KIF18A: variants seen among roughly 807,000 people sequenced by gnomAD.
The protein encoded by KIF18A is kinesin-like protein KIF18A.
Under a neutral mutation model 103.3 loss-of-function variants are expected in KIF18A, and 67 were observed. The ratio of observed to expected loss-of-function variants is 0.65; its 90% CI spans 0.53 to 0.79. KIF18A has a LOEUF of 0.79. Among genes scored for constraint, KIF18A ranks in the 30% least tolerant of loss-of-function variants. The pLI, the probability that KIF18A is intolerant of heterozygous loss-of-function variation, is 0.00. For synonymous variants in KIF18A, 367 were observed against 355.5 expected, an observed-to-expected ratio of 1.03 and a Z score of -0.36; for missense variants, 1,032 against 1,062.5, an observed-to-expected ratio of 0.97 and a Z score of 0.40.
chr11:28,024,871 G>C (rs11030190), intron 15 of KIF18A, among the ~76,000 whole-genome samples: 96 of 151,704 alleles, frequency 6.3e-4, no homozygotes, highest in Non-Finnish European at 1.3e-3. Context: ...CCTTATCGAC[G>C]GGGGGGATAT....
intron 15 of KIF18A, among the ~76,000 whole-genome samples, chr11:28,029,038 T>A (rs564551931): frequency 4.6e-4 from 70 of 152,230 alleles, no homozygotes; most frequent in Middle Eastern, 3.4e-3. Flanking sequence ...CAATAATTAA[T>A]AGCATACCAA....
At chr11:28,039,096 T>A (rs564308050) in intron 13 of KIF18A, among the ~76,000 whole-genome samples, 1 of 151,812 alleles carries the variant, frequency 6.6e-6, no homozygotes, top group East Asian at 1.9e-4. Flanking sequence ...GCAACTCACT[T>A]AAGCAGTGTG....
chr11:28,077,452 C>A (rs755249160), intron 9 of KIF18A, among the ~76,000 whole-genome samples: 1 of 152,108 alleles, frequency 6.6e-6, no homozygotes, highest in Non-Finnish European at 1.5e-5. Flanking sequence ...TAACATACTG[C>A]ATTTTGTCTA....
At chr11:28,101,441 T>C (rs1851445497) in intron 1 of KIF18A, among the ~76,000 whole-genome samples, 1 of 152,142 alleles carries the variant, frequency 6.6e-6, no homozygotes, top group African/African-American at 2.4e-5. Context: ...CCTAATTAAT[T>C]AGTTAATTAA....
intron 13 of KIF18A, among the ~76,000 whole-genome samples, chr11:28,058,662 C>CAAAAAAAAAAAAAAA (rs58273868): frequency 1.6e-5 from 1 of 64,450 alleles, no homozygotes; most frequent in African/African-American, 5.5e-5. Flanking sequence ...ACCCTGTCAC[C>CAAAAAAAAAAAAAAA]AAAAAAAAAA....
chr11:28,073,295 T>C (rs1851045683), intron 10 of KIF18A, among the ~76,000 whole-genome samples: 1 of 152,054 alleles, frequency 6.6e-6, no homozygotes, highest in African/African-American at 2.4e-5. Flanking sequence ...AAATGTGACC[T>C]GCTCTGGTCA....
intron 6 of KIF18A, among the ~76,000 whole-genome samples, chr11:28,085,411 C>T (rs1851214170): frequency 6.6e-6 from 1 of 152,196 alleles, no homozygotes; most frequent in Non-Finnish European, 1.5e-5. Flanking sequence ...TCCTTGTCCA[C>T]TTTCATGTTC....
chr11:28,061,004 C>T (rs909704298), intron 12 of KIF18A, among the ~76,000 whole-genome samples: 1 of 152,166 alleles, frequency 6.6e-6, no homozygotes, highest in African/African-American at 2.4e-5. Context: ...TACCTTTTCC[C>T]TTTGCCGAAT....
chr11:28,038,951 T>C (rs988084149), intron 13 of KIF18A, among the ~76,000 whole-genome samples: 1 of 151,650 alleles, frequency 6.6e-6, no homozygotes, highest in African/African-American at 2.4e-5. Context: ...AGCTGGCAGA[T>C]TAACTTCTTT....
At position 28,035,492 on chromosome 11, in the gene KIF18A, A is replaced by G; in HGVS notation, c.2399T>C (p.Leu800Pro). 6.4e-7 allele frequency: 1 copy of G among 1,561,084 alleles called. No homozygotes were observed. The highest frequency in any genetic ancestry group is 8.7e-7 in the Non-Finnish European group (1 of 1,146,048). Residue 800 changes from leucine (L) to proline (P), a missense_variant and splice_region_variant, in exon 15 of 17, where the codon CTT becomes CCT. Coordinates refer to ENST00000263181, the MANE Select transcript of KIF18A (RefSeq NM_031217.4). ...CTTAGTTGAGAATGAAGAAGGATCA[A>G]GCCTGTATATTAATAGTGACAAATA... is the stretch of plus-strand genomic sequence containing the variant. The part of the protein sequence containing the change: ...PNDNKDILQR[L>P]DPSSFSTKHS...
chr11:28,051,573 A>G (rs981664602), intron 13 of KIF18A, among the ~76,000 whole-genome samples: 1 of 152,016 alleles, frequency 6.6e-6, no homozygotes, highest in East Asian at 1.9e-4. Flanking sequence ...TTGAGGAAAG[A>G]TCCCGAAGGC....
intron 13 of KIF18A, among the ~76,000 whole-genome samples, chr11:28,039,948 G>T (rs1162572190): frequency 6.6e-6 from 1 of 151,730 alleles, no homozygotes; most frequent in African/African-American, 2.4e-5. Context: ...GAAGGCAGAT[G>T]GTCAATTCAG....
At chr11:28,083,371 A>G (rs879755642) in intron 7 of KIF18A, 128 bp from the exon 8 acceptor site, 1 of 1,029,574 alleles carries the variant, frequency 9.7e-7, no homozygotes, top group Non-Finnish European at 1.3e-6. Context: ...TTATGCTCAC[A>G]TTTAAAATCT....
chr11:28,056,807 A>G (rs1850786731), intron 13 of KIF18A: 1 of 166,770 alleles, frequency 6.0e-6, no homozygotes, highest in Non-Finnish European at 1.5e-5. Flanking sequence ...TTCACTCCCA[A>G]CTATTTGTCT....
Position 28,077,014 on chromosome 11 carries a change from A to T in KIF18A, c.1418T>A (p.Val473Glu), listed in dbSNP as rs774738315. 1 of 1,482,190 alleles carries T rather than the reference A, an allele frequency of 6.7e-7. No homozygotes were observed. Among genetic ancestry groups the T allele is most frequent in the East Asian group, 2.5e-5 (1 of 39,402 alleles). The allele number at this position is 1,482,190 out of a possible 1,614,324, so 91.8% of individuals were successfully genotyped here. Residue 473 changes from valine to glutamate, a missense_variant, in exon 10 of 17, where the codon GTA (valine) becomes GAA (glutamate). Physicochemically the swap from Val to Glu is moderately radical, Grantham distance 121 (BLOSUM62 -2). Coordinates refer to ENST00000263181, the MANE Select transcript of KIF18A (RefSeq NM_031217.4). ...QIEMMCSEDK[V>E]EKATGKRDHR... Reference sequence around the variant, plus strand: ...TATAAAATTGTTAATTACCTTTTCTACTTTGTCTTCAGAACACATCATTTC... The same window carrying T: ...TATAAAATTGTTAATTACCTTTTCTTCTTTGTCTTCAGAACACATCATTTC...
At chr11:28,080,699 C>T (rs1851155042) in intron 9 of KIF18A, among the ~76,000 whole-genome samples, 1 of 152,044 alleles carries the variant, frequency 6.6e-6, no homozygotes, top group Non-Finnish European at 1.5e-5. Flanking sequence ...AATTAATAAC[C>T]CTAAAATGGC....
At chr11:28,067,325 G>A (rs1294147471) in intron 11 of KIF18A, among the ~76,000 whole-genome samples, 1 of 152,214 alleles carries the variant, frequency 6.6e-6, no homozygotes, top group African/African-American at 2.4e-5. Flanking sequence ...AGATTAAATT[G>A]TTGGCTCAAT....
intron 3 of KIF18A, among the ~76,000 whole-genome samples, chr11:28,093,037 C>T (rs921947233): frequency 6.6e-6 from 1 of 152,140 alleles, no homozygotes; most frequent in African/African-American, 2.4e-5. Context: ...AAGTGTGAGG[C>T]CTAGGCCTAT....
chr11:28,024,762 TG>T (rs201059846), intron 15 of KIF18A, among the ~76,000 whole-genome samples: 7 of 150,974 alleles, frequency 4.6e-5, no homozygotes, highest in African/African-American at 1.2e-4. Context: ...CAGGTAGGAT[TG>T]GGGGGGGTTG....
Sources: gnomAD v4.1 joint callset for allele counts (sites outside exome capture counted in the v4.1 genomes callset) on GRCh38, gnomAD v4.1.1 for gene constraint, MANE v1.5 for transcripts, NCBI Gene and HGNC (gene_info 2026-07-23, HGNC 2026-07-21) for gene names.